Variants in FAIM2 observed in about 807,000 individuals in gnomAD.
FAIM2 encodes the protein Fas apoptotic inhibitory molecule 2, also known as protein lifeguard 2.
A neutral mutation model predicts 47.4 loss-of-function variants in FAIM2; 27 were observed. That is an observed-to-expected ratio of 0.57 (90% CI 0.42 to 0.78). The LOEUF is 0.78. Ranked by LOEUF, FAIM2 falls within the 30% of genes least tolerant of loss-of-function variation. The pLI is 0.00. For missense variants in FAIM2, 311 were observed against 389.4 expected (o/e 0.80, Z 1.69); for synonymous variants, 156 against 159.3 (o/e 0.98, Z 0.16).
At position 49,890,119 on chromosome 12, in the gene FAIM2, G is replaced by A; in HGVS notation, c.561C>T (p.Ser187=). Residue 187 remains serine (S), a splice_region_variant and synonymous_variant, in exon 8 of 12, where the codon TCC becomes TCT. Coordinates refer to ENST00000320634, the MANE Select transcript of FAIM2 (RefSeq NM_012306.4). ...CTCCTTCCACCTGTTCCCTTTACCT[G>A]GACAGCATCCCAGTGAGGTAGGCCA... The part of the protein sequence containing the change: ...LSMAYLTGML[S]SYYNTTSVLL... 1.2e-6 allele frequency: 2 copies of A among 1,613,894 alleles called. No individual in the cohort carries two copies. Among genetic ancestry groups the A allele is most frequent in the Non-Finnish European group, 8.5e-7 (1 of 1,179,814 alleles).
At chr12:49,893,465 A>G (rs1385763206) in intron 5 of FAIM2, among the ~76,000 whole-genome samples, 2 of 152,192 alleles carry the variant, frequency 1.3e-5, no homozygotes, top group Non-Finnish European at 2.9e-5. Flanking sequence ...CCACCCAGGT[A>G]TAGCATCTGG....
At chr12:49,891,152 C>T (rs1946897314) in intron 5 of FAIM2, 38 bp from the exon 6 acceptor site, 1 of 1,595,798 alleles carries the variant, frequency 6.3e-7, no homozygotes, top group Admixed American at 1.7e-5. Context: ...CAGCCAGCCT[C>T]TCCTGGGTCC....
intron 5 of FAIM2, among the ~76,000 whole-genome samples, chr12:49,892,903 G>A (rs1181351110): frequency 6.6e-6 from 1 of 152,176 alleles, no homozygotes. Context: ...CCCTCCTGCA[G>A]AGGATGTCAT....
chr12:49,879,271 T>C (rs1471964194), intron 11 of FAIM2, among the ~76,000 whole-genome samples: 8 of 65,548 alleles, frequency 1.2e-4, no homozygotes, highest in Non-Finnish European at 2.2e-4. Flanking sequence ...TGTGTGCATG[T>C]GTATATGTGT....
intron 11 of FAIM2, among the ~76,000 whole-genome samples, chr12:49,880,869 T>C (rs1428229964): frequency 1.8e-5 from 2 of 112,600 alleles, no homozygotes; most frequent in African/African-American, 8.1e-5. Flanking sequence ...TGTGTGTATA[T>C]GCGTGAATGT....
At chr12:49,898,390 CT>C (rs2137106918) in intron 2 of FAIM2, among the ~76,000 whole-genome samples, 1 of 70,912 alleles carries the variant, frequency 1.4e-5, no homozygotes, top group Admixed American at 1.6e-4. Flanking sequence ...GAATGTGAAT[CT>C]CCCATCTTCT....
chr12:49,888,822 C>T (rs772291444), intron 10 of FAIM2, among the ~76,000 whole-genome samples: 1 of 152,360 alleles, frequency 6.6e-6, no homozygotes, highest in Middle Eastern at 3.4e-3. Flanking sequence ...AAATGCTCCA[C>T]ACCCTACCCT....
At chr12:49,897,745 A>G (rs1326188333) in intron 3 of FAIM2, 162 bp from the exon 4 acceptor site, 11 of 646,456 alleles carry the variant, frequency 1.7e-5, no homozygotes, top group Non-Finnish European at 3.0e-5. Context: ...GAAAGCAAAG[A>G]TGCTGCAGAG....
At chr12:49,897,486 CCT>C in intron 4 of FAIM2, 31 bp downstream of exon 4, 1 of 1,604,674 alleles carries the variant, frequency 6.2e-7, no homozygotes. Context: ...CATAGTCATC[CCT>C]GGAAGGTGCT....
At chr12:49,876,675 G>C (rs755883595) in intron 11 of FAIM2, among the ~76,000 whole-genome samples, 25 of 152,052 alleles carry the variant, frequency 1.6e-4, no homozygotes, top group Non-Finnish European at 3.1e-4. Flanking sequence ...GGGAGGCTGA[G>C]GCAGGAGAAT....
At chr12:49,876,489 T>C (rs1285168391) in intron 11 of FAIM2, among the ~76,000 whole-genome samples, 3 of 151,784 alleles carry the variant, frequency 2.0e-5, no homozygotes, top group Non-Finnish European at 4.4e-5. Context: ...CTGGGCTGGG[T>C]GCGGTGGCTT....
chr12:49,891,718 G>A (rs762456184), intron 5 of FAIM2, among the ~76,000 whole-genome samples: 86 of 152,290 alleles, frequency 5.6e-4, no homozygotes, highest in Non-Finnish European at 1.1e-3. Context: ...TGTAAACTCA[G>A]CAAGGGTAGG....
At chr12:49,872,599 C>G (rs527238890) in intron 11 of FAIM2, among the ~76,000 whole-genome samples, 15 of 152,340 alleles carry the variant, frequency 9.8e-5, no homozygotes, top group South Asian at 6.2e-4. Context: ...AATGCTCCCC[C>G]CGGCAGGCCC....
intron 5 of FAIM2, among the ~76,000 whole-genome samples, chr12:49,892,043 G>A (rs569396077): frequency 8.5e-5 from 13 of 152,078 alleles, no homozygotes; most frequent in East Asian, 5.8e-4. Context: ...CTCCTTCCTC[G>A]GTTCTCTCAC....
chr12:49,897,585 T>C lies in FAIM2; in HGVS notation c.316-2A>G. On this transcript the variant is annotated splice_acceptor_variant, in intron 3 of 11. Coordinates refer to ENST00000320634, the MANE Select transcript of FAIM2 (RefSeq NM_012306.4). LOFTEE classifies it high-confidence loss of function. ...CTGAATCAGCAGGATGGTGTAGACC[T>C]GGGGGTGGGAGGGGTTCTACTCAGC... 1 of 1,613,066 alleles carries C rather than the reference T, an allele frequency of 6.2e-7. No homozygotes were observed. Among genetic ancestry groups the C allele is most frequent in the Non-Finnish European group, 8.5e-7 (1 of 1,179,476 alleles).
intron 11 of FAIM2, among the ~76,000 whole-genome samples, chr12:49,881,189 C>T (rs560745391): frequency 8.5e-5 from 13 of 152,144 alleles, no homozygotes; most frequent in Non-Finnish European, 1.8e-4. Flanking sequence ...CCACCCACCC[C>T]GGCTCTGGGA....
chr12:49,903,899 CT>C lies in FAIM2; in HGVS notation c.-108del. On this transcript the variant is annotated 5_prime_UTR_variant, in exon 1 of 12. Coordinates refer to ENST00000320634, the MANE Select transcript of FAIM2 (RefSeq NM_012306.4). ...TCCGCGTGGGTTCTAGCAACATCCA[CT>C]GCAGCCGGGCCAGGCGAGCCGGCGC... The C allele has an allele frequency of 1.7e-6, 2 of 1,207,720 alleles. No homozygotes were observed. The highest frequency in any genetic ancestry group is 1.1e-6 in the Non-Finnish European group (1 of 883,856). 74.8% of individuals were successfully genotyped at this position (1,207,720 alleles called of 1,614,324 possible).
At chr12:49,903,367 G>T (rs962540102) in intron 1 of FAIM2, among the ~76,000 whole-genome samples, 1 of 152,248 alleles carries the variant, frequency 6.6e-6, no homozygotes, top group Non-Finnish European at 1.5e-5. Flanking sequence ...GCATAAAGTG[G>T]TTGGGTTTGG....
chr12:49,898,894 T>C (rs927911949), intron 2 of FAIM2, among the ~76,000 whole-genome samples: 4 of 150,704 alleles, frequency 2.7e-5, no homozygotes, highest in Non-Finnish European at 5.9e-5. Flanking sequence ...GGTGGACCGC[T>C]GGTACTCCAG....
Sources: gnomAD v4.1 joint callset for allele counts (sites outside exome capture counted in the v4.1 genomes callset) on GRCh38, gnomAD v4.1.1 for gene constraint, MANE v1.5 for transcripts, NCBI Gene and HGNC (gene_info 2026-07-23, HGNC 2026-07-21) for gene names.